The following ALDH1A2 variants were observed in gnomAD, a reference collection of about 807,000 sequenced individuals.
The protein encoded by ALDH1A2 is aldehyde dehydrogenase 1 family member A2, also known as retinal dehydrogenase 2.
In ALDH1A2, 27 loss-of-function variants were observed where a neutral mutation model predicts 60.3. That is an observed-to-expected ratio of 0.45 (90% confidence interval 0.33 to 0.62). The LOEUF (loss-of-function observed/expected upper bound fraction) is 0.62. ALDH1A2 is among the 20% of genes least tolerant of loss of function. ALDH1A2 has a pLI of 0.02. For missense variants in ALDH1A2, 581 were observed against 643.8 expected, an observed-to-expected ratio of 0.90 and a Z score of 1.06; for synonymous variants, 289 against 232.4, an observed-to-expected ratio of 1.24 and a Z score of -2.21.
At position 57,969,704 on chromosome 15, in the gene ALDH1A2, A is replaced by G. The variant is rs533586520; in HGVS notation, c.799-3877T>C. 1.4e-4 allele frequency among the ~76,000 whole-genome samples: 22 copies of G among 152,346 alleles called. No individual in the cohort carries two copies. The South Asian group carries it at 4.6e-3, about 32-fold the overall frequency. ...ATAAAACAGGTAAACATACAGTTTGAGAAATTAAATCCTGTATATGATGTA... is the reference window on the plus strand; with the variant it reads ...ATAAAACAGGTAAACATACAGTTTGGGAAATTAAATCCTGTATATGATGTA... On this transcript the variant is annotated intron_variant, in intron 7 of 12. Transcript: ENST00000249750.
intron 3 of ALDH1A2, among the ~76,000 whole-genome samples, chr15:58,011,293 T>C (rs949556365): frequency 1.3e-5 from 2 of 152,202 alleles, no homozygotes; most frequent in Non-Finnish European, 2.9e-5. Flanking sequence ...AGATCTCCTC[T>C]AGGGAAGCCC....
chr15:57,967,357 G>T (rs1893931821), intron 7 of ALDH1A2, among the ~76,000 whole-genome samples: 1 of 152,168 alleles, frequency 6.6e-6, no homozygotes, highest in Non-Finnish European at 1.5e-5. Context: ...CTGGCACACA[G>T]TAAGTGTGCA....
chr15:58,065,411 A>T (rs1897150942), intron 1 of ALDH1A2, 123 bp downstream of exon 1: 1 of 878,572 alleles, frequency 1.1e-6, no homozygotes, highest in Admixed American at 1.8e-5. Flanking sequence ...CTGCGCCGGG[A>T]TGACAGGCTG....
intron 7 of ALDH1A2, among the ~76,000 whole-genome samples, chr15:57,977,218 G>C (rs1451303810): frequency 6.6e-6 from 1 of 151,956 alleles, no homozygotes; most frequent in African/African-American, 2.4e-5. Flanking sequence ...TCACTCTGAT[G>C]ATAGTTTCTT....
At position 57,959,446 on chromosome 15, in the gene ALDH1A2, C is replaced by G. The variant is rs74017081; in HGVS notation, c.1484+1324G>C. ...TGGTTATAGGTTCTGGCTGTCAGAA[C>G]AGAAGTTGGTGACACCAGCTGGAAT... On this transcript the variant is annotated intron_variant, in intron 12 of 12. Coordinates refer to ENST00000249750, the MANE Select transcript of ALDH1A2 (RefSeq NM_003888.4). Among the ~76,000 whole-genome samples, 566 of 152,276 alleles carry G rather than the reference C, an allele frequency of 3.7e-3. 4 individuals carry two copies. Among genetic ancestry groups the G allele is most frequent in the African/African-American group, 0.013 (540 of 41,532 alleles).
chr15:57,962,394 TG>T (rs2140450680), intron 9 of ALDH1A2, among the ~76,000 whole-genome samples: 1 of 152,362 alleles, frequency 6.6e-6, no homozygotes, highest in African/African-American at 2.4e-5. Context: ...ATAAATGTAC[TG>T]CTCTGATGAT....
intron 1 of ALDH1A2, among the ~76,000 whole-genome samples, chr15:58,045,733 C>T (rs978097095): frequency 5.9e-5 from 9 of 151,746 alleles, no homozygotes; most frequent in Admixed American, 2.6e-4. Context: ...ACCACACACC[C>T]GGACCTGTCA....
At chr15:57,974,963 A>G (rs1352177422) in intron 7 of ALDH1A2, among the ~76,000 whole-genome samples, 1 of 152,256 alleles carries the variant, frequency 6.6e-6, no homozygotes, top group Non-Finnish European at 1.5e-5. Flanking sequence ...CAAATACACA[A>G]ATGAAAAGAC....
intron 1 of ALDH1A2, among the ~76,000 whole-genome samples, chr15:58,016,235 C>G (rs1224856411): frequency 6.6e-6 from 1 of 151,782 alleles, no homozygotes; most frequent in Non-Finnish European, 1.5e-5. Context: ...CTCTGCCGCC[C>G]GGGGTTCAAG....
chr15:57,978,031 G>A lies in ALDH1A2; in HGVS notation c.799-12204C>T, dbSNP rs547779988. The stretch of plus-strand genomic sequence containing the variant: ...GTGTATAGGAATACTTGTGATTTTT[G>A]CAATTGATTGTGTATCCTGAGACTT... On this transcript the variant is annotated intron_variant, in intron 7 of 12. Coordinates refer to ENST00000249750, the MANE Select transcript of ALDH1A2 (RefSeq NM_003888.4). 1.1e-4 allele frequency among the ~76,000 whole-genome samples: 17 copies of A among 152,220 alleles called. 1 individual carries two copies. In the South Asian group the frequency reaches 3.5e-3, roughly 32 times the overall value.
intron 1 of ALDH1A2, among the ~76,000 whole-genome samples, chr15:58,045,927 C>T (rs960234652): frequency 2.6e-5 from 4 of 151,964 alleles, no homozygotes; most frequent in Admixed American, 1.3e-4. Flanking sequence ...ATTAGAGACA[C>T]TCCACACATG....
intron 1 of ALDH1A2, among the ~76,000 whole-genome samples, chr15:58,039,928 T>C (rs754553762): frequency 2.0e-5 from 3 of 151,808 alleles, no homozygotes; most frequent in Non-Finnish European, 4.4e-5. Context: ...TGCTAGGCAT[T>C]GGAAGATATA....
intron 7 of ALDH1A2, among the ~76,000 whole-genome samples, chr15:57,981,303 C>CACACACAA (rs1287303509): frequency 6.0e-5 from 9 of 150,408 alleles, no homozygotes; most frequent in Non-Finnish European, 1.0e-4. Context: ...CACACACACA[C>CACACACAA]ACACACACAC....
At position 57,962,187 on chromosome 15, in the gene ALDH1A2, C is replaced by G. The variant is rs776987309; in HGVS notation, c.1087-11G>C. 3 of 1,613,678 alleles carry G rather than the reference C, an allele frequency of 1.9e-6. No homozygotes were observed. Among genetic ancestry groups the G allele is most frequent in the Non-Finnish European group, 1.7e-6 (2 of 1,179,682 alleles). On this transcript the variant is annotated splice_polypyrimidine_tract_variant and intron_variant, in intron 9 of 12. Transcript: ENST00000249750. ...CTGTTTCTTATCAATCTGTGGGAGA[C>G]AAGACTTAATGACTCCAAATATAAC...
intron 1 of ALDH1A2, among the ~76,000 whole-genome samples, chr15:58,052,988 A>C (rs527467549): frequency 6.6e-6 from 1 of 152,306 alleles, no homozygotes; most frequent in South Asian, 2.1e-4. Context: ...CTGCAAATGA[A>C]ATCAGACAAT....
chr15:57,977,188 C>T (rs1414031026), intron 7 of ALDH1A2, among the ~76,000 whole-genome samples: 2 of 151,920 alleles, frequency 1.3e-5, no homozygotes, highest in Non-Finnish European at 2.9e-5. Flanking sequence ...AAACTTTGTC[C>T]CACTCTGTAG....
At chr15:58,057,587 T>G (rs1288401145) in intron 1 of ALDH1A2, among the ~76,000 whole-genome samples, 3 of 152,182 alleles carry the variant, frequency 2.0e-5, no homozygotes, top group Non-Finnish European at 4.4e-5. Context: ...TTAAAGCAAT[T>G]CATTTTCTGT....
chr15:58,048,822 T>C (rs192469676), intron 1 of ALDH1A2, among the ~76,000 whole-genome samples: 160 of 152,148 alleles, frequency 1.1e-3, no homozygotes, highest in African/African-American at 3.6e-3. Flanking sequence ...ATGTTTAAAA[T>C]CTTAATACTC....
chr15:57,962,297 C>A, intron 9 of ALDH1A2, 121 bp from the exon 10 acceptor site: 1 of 1,217,370 alleles, frequency 8.2e-7, no homozygotes, highest in South Asian at 1.4e-5. Flanking sequence ...CCAGTCAGAT[C>A]ATATAAAACT....
Sources: allele counts gnomAD v4.1 joint callset (sites outside exome capture counted in the v4.1 genomes callset), GRCh38; gene constraint gnomAD v4.1.1; transcripts MANE v1.5; gene names NCBI Gene and HGNC (gene_info 2026-07-23, HGNC 2026-07-21).